KLRG1: variants seen among roughly 807,000 people sequenced by gnomAD.
KLRG1 encodes the protein killer cell lectin-like receptor subfamily G member 1.
Under a neutral mutation model 21.8 loss-of-function variants are expected in KLRG1, and 16 were observed. That is an observed-to-expected ratio of 0.73 (90% CI 0.50 to 1.11). The LOEUF is 1.11. Ranked by LOEUF, KLRG1 falls within the 50% of genes most tolerant of loss-of-function variation. The pLI is 0.00. For synonymous variants in KLRG1, 69 were observed against 75.9 expected, an observed-to-expected ratio of 0.91 and a Z score of 0.47; for missense variants, 173 against 218.3, an observed-to-expected ratio of 0.79 and a Z score of 1.31.
chr12:9,202,468 G>A, the KLRG1 span: 1 of 1,611,964 alleles, frequency 6.2e-7, no homozygotes, highest in South Asian at 1.1e-5. Context: ...TGGAGACTTT[G>A]GCTGTTCAGG....
At chr12:8,982,668 G>A (rs1247603169) in intron 1 of KLRG1, among the ~76,000 whole-genome samples, 2 of 129,524 alleles carry the variant, frequency 1.5e-5, no homozygotes, top group African/African-American at 2.9e-5. Flanking sequence ...TTTTTGAGAT[G>A]GAGTTTCATT....
intron 1 of KLRG1, among the ~76,000 whole-genome samples, chr12:8,979,790 T>A (rs1386162032): frequency 6.6e-6 from 1 of 152,168 alleles, no homozygotes; most frequent in African/African-American, 2.4e-5. Context: ...AAATAACCTG[T>A]GTTTGAGGTT....
At chr12:9,121,760 T>C in the KLRG1 span, among the ~76,000 whole-genome samples, 2 of 152,182 alleles carry the variant, frequency 1.3e-5, no homozygotes, top group South Asian at 2.1e-4. The surrounding 1 kb of genome is among the most constrained non-coding windows in gnomAD (Gnocchi z 4.4). Flanking sequence ...TATTTATACT[T>C]TGGGGCATGC....
chr12:9,030,627 C>T, the KLRG1 span, among the ~76,000 whole-genome samples: 13 of 151,974 alleles, frequency 8.6e-5, no homozygotes, highest in Non-Finnish European at 1.6e-4. Flanking sequence ...AGACTGGTCT[C>T]GAACTCCTAA....
chr12:9,135,504 A>G, the KLRG1 span: 1 of 360,306 alleles, frequency 2.8e-6, no homozygotes, highest in Non-Finnish European at 5.3e-6. Context: ...CCGACATACA[A>G]ATGGTAGACA....
chr12:9,180,336 C>T, the KLRG1 span, among the ~76,000 whole-genome samples: 7 of 152,152 alleles, frequency 4.6e-5, no homozygotes, highest in South Asian at 2.1e-4. Context: ...GAGCCCGCAT[C>T]GCCAAGGCAA....
the KLRG1 span, chr12:9,101,480 C>A: frequency 2.5e-5 from 41 of 1,613,784 alleles, no homozygotes; most frequent in Non-Finnish European, 3.3e-5. Flanking sequence ...TCAGCCCCAG[C>A]AGGGTGCCTC....
the KLRG1 span, among the ~76,000 whole-genome samples, chr12:9,069,420 A>G: frequency 1.3e-5 from 2 of 152,172 alleles, no homozygotes; most frequent in African/African-American, 4.8e-5. Flanking sequence ...ATAATTAACT[A>G]ATAATTGACT....
intron 1 of KLRG1, among the ~76,000 whole-genome samples, chr12:8,950,424 T>C (rs535883596): frequency 2.6e-5 from 4 of 152,184 alleles, no homozygotes; most frequent in Non-Finnish European, 5.9e-5. Context: ...TTTTGTAGGT[T>C]CCTTATGTCT....
chr12:9,003,219 A>G (rs1292055634), intron 3 of KLRG1, among the ~76,000 whole-genome samples: 1 of 152,100 alleles, frequency 6.6e-6, no homozygotes. Context: ...ATCTTTATCA[A>G]TTTCTGTGCT....
At chr12:8,973,747 C>T (rs1946610509) in intron 1 of KLRG1, among the ~76,000 whole-genome samples, 1 of 152,106 alleles carries the variant, frequency 6.6e-6, no homozygotes, top group Admixed American at 6.6e-5. Context: ...TTATAATTCT[C>T]AGTGTGTAAG....
Position 9,006,781 on chromosome 12 carries a change from C to G in KLRG1, c.358-2194C>G, listed in dbSNP as rs1343836550. The stretch of plus-strand genomic sequence containing the variant: ...AACTGGAAAGAATCCTAGAAAATAT[C>G]TAACCTAAATCCTCATAAAGAAGTT... On this transcript the variant is annotated intron_variant, in intron 3 of 4. Coordinates refer to ENST00000356986, the MANE Select transcript of KLRG1 (RefSeq NM_005810.4). Among the ~76,000 whole-genome samples the G allele has an allele frequency of 2.6e-5, 4 of 152,178 alleles. No homozygotes were observed. In the East Asian group the frequency reaches 7.7e-4, roughly 29 times the overall value.
At chr12:8,980,990 C>G (rs943732073) in intron 1 of KLRG1, among the ~76,000 whole-genome samples, 3 of 152,200 alleles carry the variant, frequency 2.0e-5, no homozygotes, top group African/African-American at 4.8e-5. Flanking sequence ...ATGCTTTCTA[C>G]ACTTTTCTGC....
intron 1 of KLRG1, among the ~76,000 whole-genome samples, chr12:8,958,786 G>C (rs1478463477): frequency 6.6e-6 from 1 of 151,196 alleles, no homozygotes; most frequent in Non-Finnish European, 1.5e-5. Flanking sequence ...GAGCCCAGGA[G>C]GTCAAGGCTT....
At chr12:9,197,235 G>A in the KLRG1 span, 2 of 684,748 alleles carry the variant, frequency 2.9e-6, no homozygotes, top group Non-Finnish European at 5.0e-6. Context: ...TTATCATCTG[G>A]GTGCCCACCA....
chr12:9,206,849 C>T, the KLRG1 span, among the ~76,000 whole-genome samples: 1 of 152,126 alleles, frequency 6.6e-6, no homozygotes, highest in African/African-American at 2.4e-5. Context: ...GGAATGCATC[C>T]AGAACCACAA....
chr12:9,020,472 G>C, the KLRG1 span, among the ~76,000 whole-genome samples: 1 of 152,086 alleles, frequency 6.6e-6, no homozygotes, highest in Non-Finnish European at 1.5e-5. Flanking sequence ...ATATCAGACA[G>C]CATCTTCTAG....
chr12:9,139,360 G>T, the KLRG1 span, among the ~76,000 whole-genome samples: 8 of 152,052 alleles, frequency 5.3e-5, no homozygotes, highest in African/African-American at 9.7e-5. Context: ...CTTATCCTGG[G>T]GAAGGATCTG....
the KLRG1 span, among the ~76,000 whole-genome samples, chr12:9,139,683 C>T: frequency 1.3e-5 from 2 of 152,094 alleles, no homozygotes; most frequent in African/African-American, 4.8e-5. Context: ...TATAAAATTT[C>T]CCTTTTGGTC....
Sources: gnomAD v4.1 joint callset for allele counts (sites outside exome capture counted in the v4.1 genomes callset) on GRCh38, gnomAD v4.1.1 for gene constraint, Gnocchi (gnomAD v3.1) non-coding constraint, MANE v1.5 for transcripts, NCBI Gene and HGNC (gene_info 2026-07-23, HGNC 2026-07-21) for gene names.